The following ZNF729 variants were observed in gnomAD, a reference collection of about 807,000 sequenced individuals.
The protein encoded by ZNF729 is zinc finger protein 729.
ZNF729 carries 15 observed loss-of-function variants against 12.2 expected under a neutral mutation model. That is an observed-to-expected ratio of 1.23 (90% CI 0.82 to 1.89). The LOEUF is 1.89. Among genes scored for constraint, ZNF729 ranks in the 40% most tolerant of loss-of-function variants. The pLI is 0.00. For synonymous variants in ZNF729, 492 were observed against 476.3 expected (o/e 1.03, Z -0.43); for missense variants, 1,540 against 1,456.7 (o/e 1.06, Z -0.93).
chr19:22,306,871 CA>C (rs1228636445), intron 3 of ZNF729, among the ~76,000 whole-genome samples: 4 of 151,406 alleles, frequency 2.6e-5, no homozygotes, highest in Admixed American at 6.6e-5. Flanking sequence ...TGTATATTTA[CA>C]TTTAATAGAA....
intron 1 of ZNF729, among the ~76,000 whole-genome samples, chr19:22,291,006 G>A (rs1968144596): frequency 6.6e-6 from 1 of 152,098 alleles, no homozygotes; most frequent in Non-Finnish European, 1.5e-5. Context: ...AAACAGATGG[G>A]TCTATGGGGT....
At chr19:22,310,462 A>C (rs950009496) in intron 3 of ZNF729, among the ~76,000 whole-genome samples, 1 of 152,080 alleles carries the variant, frequency 6.6e-6, no homozygotes, top group African/African-American at 2.4e-5. Flanking sequence ...AGATGATCAT[A>C]TGATTTTTGT....
At chr19:22,289,937 AATAG>A (rs1968131444) in intron 1 of ZNF729, among the ~76,000 whole-genome samples, 1 of 152,244 alleles carries the variant, frequency 6.6e-6, no homozygotes, top group Non-Finnish European at 1.5e-5. Context: ...GTCTGAAAGG[AATAG>A]ATACTTTTGC....
chr19:22,300,727 C>T (rs982174955), intron 1 of ZNF729, among the ~76,000 whole-genome samples: 8 of 152,126 alleles, frequency 5.3e-5, no homozygotes, highest in African/African-American at 1.7e-4. Flanking sequence ...TTGTATCTTC[C>T]GAACTGAAAC....
Position 22,303,775 on chromosome 19 carries a change from A to T in ZNF729, c.48A>T (p.Arg16Ser), listed in dbSNP as rs1474684506. Reference protein sequence around the residue: ...GSLEMGPLTFRDVTIEFSLEE... With the variant: ...GSLEMGPLTFSDVTIEFSLEE... ...TTTTTCAGGGACCATTGACATTTAG[A>T]GATGTGACCATAGAATTCTCTCTGG... Residue 16 changes from arginine (R) to serine (S), a missense_variant, in exon 2 of 4, where the codon AGA becomes AGT. Transcript: ENST00000601693. The T allele has an allele frequency of 2.5e-6, 4 of 1,568,986 alleles. 1 individual carries two copies. In the South Asian group the frequency reaches 4.4e-5, roughly 17 times the overall value.
intron 1 of ZNF729, among the ~76,000 whole-genome samples, chr19:22,292,535 C>T (rs1238092714): frequency 2.0e-5 from 3 of 151,698 alleles, no homozygotes; most frequent in African/African-American, 7.3e-5. Flanking sequence ...ACCTCCTGGG[C>T]TCAAGCAATT....
At chr19:22,310,360 A>G (rs1968436439) in intron 3 of ZNF729, among the ~76,000 whole-genome samples, 1 of 152,072 alleles carries the variant, frequency 6.6e-6, no homozygotes, top group African/African-American at 2.4e-5. Flanking sequence ...CTTTTATTAC[A>G]TTGATGTATG....
chr19:22,304,743 T>C lies in ZNF729; in HGVS notation c.213T>C (p.Pro71=). 1 of 1,613,522 alleles carries C rather than the reference T, an allele frequency of 6.2e-7. No individual in the cohort carries two copies. The highest frequency in any genetic ancestry group is 8.5e-7 in the Non-Finnish European group (1 of 1,179,748). The change falls in exon 3 of 4, where the codon CCT becomes CCC. Residue 71 remains proline (P), a synonymous_variant. Coordinates refer to ENST00000601693, the MANE Select transcript of ZNF729 (RefSeq NM_001242680.2). ...LITCLKQGKE[P]WNMKRHEMVT... ...CTTGTCTGAAGCAAGGGAAAGAGCC[T>C]TGGAATATGAAGAGACATGAGATGG...
chr19:22,316,676 C>T lies in ZNF729; in HGVS notation c.3259C>T (p.His1087Tyr). The T allele has an allele frequency of 1.9e-6, 3 of 1,612,248 alleles. No homozygotes were observed. Among genetic ancestry groups the T allele is most frequent in the Non-Finnish European group, 8.5e-7 (1 of 1,179,674 alleles). Reference protein sequence around the residue: ...KCEECDKAFKHFSALRKHKVI... With the variant: ...KCEECDKAFKYFSALRKHKVI... The stretch of plus-strand genomic sequence containing the variant: ...TGAAGAATGTGACAAAGCTTTTAAG[C>T]ATTTCTCAGCCCTTAGAAAACATAA... Residue 1087 changes from histidine (H) to tyrosine (Y), a missense_variant, in exon 4 of 4, where the codon CAT becomes TAT. Transcript: ENST00000601693.
At chr19:22,305,082 A>G (rs1414798781) in intron 3 of ZNF729, among the ~76,000 whole-genome samples, 1 of 152,154 alleles carries the variant, frequency 6.6e-6, no homozygotes. Context: ...GTTATTGGGG[A>G]CACACAAATA....
intron 3 of ZNF729, among the ~76,000 whole-genome samples, chr19:22,312,637 A>C (rs1026248225): frequency 2.6e-5 from 4 of 152,134 alleles, no homozygotes; most frequent in Admixed American, 2.0e-4. Context: ...TTCTTTCAGC[A>C]CTTTATGTCA....
intron 1 of ZNF729, among the ~76,000 whole-genome samples, chr19:22,300,515 A>G (rs1968290660): frequency 6.6e-6 from 1 of 152,226 alleles, no homozygotes; most frequent in Non-Finnish European, 1.5e-5. Flanking sequence ...GCTTTACTCT[A>G]GAGGAAACTT....
chr19:22,309,689 CT>C (rs34824453), intron 3 of ZNF729, among the ~76,000 whole-genome samples: 177 of 140,266 alleles, frequency 1.3e-3, no homozygotes, highest in Non-Finnish European at 1.1e-3. Context: ...GCTATGCAGG[CT>C]TTTTTTTTTT....
chr19:22,288,430 T>C (rs1968109962), intron 1 of ZNF729, among the ~76,000 whole-genome samples: 1 of 152,110 alleles, frequency 6.6e-6, no homozygotes, highest in Non-Finnish European at 1.5e-5. Context: ...CAGATTTTTT[T>C]CCTGGTCCTG....
Position 22,314,117 on chromosome 19 carries a change from A to C in ZNF729, c.700A>C (p.Lys234Gln). The stretch of plus-strand genomic sequence containing the variant: ...ACATAAGATAATTCATACTGAAGAC[A>C]AACCTTACAAATATAAGAAATGTGG... Reference protein sequence around the residue: ...TKHKIIHTEDKPYKYKKCGNA... With the variant: ...TKHKIIHTEDQPYKYKKCGNA... Residue 234 changes from lysine (K) to glutamine (Q), a missense_variant, in exon 4 of 4, where the codon AAA becomes CAA. Coordinates refer to ENST00000601693, the MANE Select transcript of ZNF729 (RefSeq NM_001242680.2). 6.4e-7 allele frequency: 1 copy of C among 1,550,836 alleles called. No individual in the cohort carries two copies. The highest frequency in any genetic ancestry group is 8.7e-7 in the Non-Finnish European group (1 of 1,148,836).
chr19:22,296,928 G>A (rs1230287), intron 1 of ZNF729, among the ~76,000 whole-genome samples: 151,638 of 152,292 alleles, frequency 1, 75,498 homozygotes, highest in Middle Eastern at 1. Flanking sequence ...TTGTAATTTT[G>A]TCAAGCTGTG....
intron 1 of ZNF729, among the ~76,000 whole-genome samples, chr19:22,295,335 G>GACT (rs1968214830): frequency 6.7e-6 from 1 of 150,338 alleles, no homozygotes; most frequent in Admixed American, 6.6e-5. Context: ...CTCTGGCCAG[G>GACT]ACTTCCAATT....
chr19:22,289,988 A>C lies in ZNF729; in HGVS notation c.30+3433A>C, dbSNP rs183178724. On this transcript the variant is annotated intron_variant, in intron 1 of 3. Transcript: ENST00000601693. ...AGACATAAAATGTAAGCACCTTAAA[A>C]TTTTCTTCCCTTACATGTACACTGT... 2.0e-5 allele frequency among the ~76,000 whole-genome samples: 3 copies of C among 152,262 alleles called. No homozygotes were observed. In the East Asian group the frequency reaches 5.8e-4, roughly 29 times the overall value.
intron 1 of ZNF729, among the ~76,000 whole-genome samples, chr19:22,293,377 G>T (rs189743688): frequency 6.6e-6 from 1 of 151,842 alleles, no homozygotes; most frequent in East Asian, 1.9e-4. Flanking sequence ...GTAGAGACAA[G>T]GTTTAACCTT....
Sources: gnomAD v4.1 joint callset for allele counts (sites outside exome capture counted in the v4.1 genomes callset) on GRCh38, gnomAD v4.1.1 for gene constraint, MANE v1.5 for transcripts, NCBI Gene and HGNC (gene_info 2026-07-23, HGNC 2026-07-21) for gene names.